TRNT1: variants seen among roughly 807,000 people sequenced by gnomAD.
TRNT1 encodes the protein CCA tRNA nucleotidyltransferase 1, mitochondrial.
In TRNT1, 44 loss-of-function variants were observed where a neutral mutation model predicts 45.6. The observed-to-expected ratio is 0.97, with a 90% CI of 0.76 to 1.24. The LOEUF is 1.24. TRNT1 is among the 50% of genes most tolerant of loss of function. TRNT1 has a pLI of 0.00. For missense variants in TRNT1, 633 were observed against 504.4 expected, an observed-to-expected ratio of 1.25 and a Z score of -2.44; for synonymous variants, 201 against 171.4, an observed-to-expected ratio of 1.17 and a Z score of -1.35.
At chr3:3,151,481 C>T (rs988261632), downstream of TRNT1, among the ~76,000 whole-genome samples, 20 of 123,814 alleles carry the variant, frequency 1.6e-4, no homozygotes, top group African/African-American at 3.4e-4. Context: ...AGGAAGGACA[C>T]GTCTCAAAAA....
chr3:3,129,939 A>C (rs1160125295), intron 2 of TRNT1: 5 of 1,550,502 alleles, frequency 3.2e-6, no homozygotes, highest in Non-Finnish European at 4.4e-6. Context: ...TTTCCATGAG[A>C]ACTGAAGGAA....
intron 2 of TRNT1, among the ~76,000 whole-genome samples, chr3:3,133,322 G>T (rs1705129105): frequency 6.6e-6 from 1 of 152,108 alleles, no homozygotes; most frequent in South Asian, 2.1e-4. Context: ...GGGAGGCCGA[G>T]ATGGGAGAAT....
chr3:3,143,485 G>C (rs952469897), intron 4 of TRNT1, among the ~76,000 whole-genome samples: 3 of 151,968 alleles, frequency 2.0e-5, no homozygotes, highest in Non-Finnish European at 4.4e-5. Context: ...GAAGTCTCCT[G>C]ATCTGTAATG....
intron 4 of TRNT1, among the ~76,000 whole-genome samples, chr3:3,143,888 T>C (rs1266249901): frequency 1.3e-5 from 2 of 152,242 alleles, no homozygotes; most frequent in Admixed American, 6.5e-5. Flanking sequence ...ATGACTAAGG[T>C]TGAAAATCTT....
chr3:3,147,853 T>TAAG, intron 7 of TRNT1, 53 bp from the exon 8 acceptor site: 3 of 1,563,222 alleles, frequency 1.9e-6, no homozygotes, highest in Non-Finnish European at 2.6e-6. Context: ...GATAAGATTG[T>TAAG]AAGTGTATGT....
At chr3:3,133,027 A>G (rs1001269010) in intron 2 of TRNT1, among the ~76,000 whole-genome samples, 1 of 152,184 alleles carries the variant, frequency 6.6e-6, no homozygotes, top group Non-Finnish European at 1.5e-5. Context: ...AAAATGTACA[A>G]AAACACACAG....
rs4353794 is a variant in TRNT1, at chr3:3,140,303, A to T, written c.343-207A>T. Among the ~76,000 whole-genome samples, 18,890 of 151,838 alleles carry T rather than the reference A, an allele frequency of 0.12. 1,288 individuals carry two copies. The highest frequency in any genetic ancestry group is 0.17 in the Admixed American group (2,563 of 15,262). ...TTTTTAATCATGATGGATTTTTTTT[A>T]AAAAAATCAGTCTTTTGATCTGTTT... On this transcript the variant is annotated intron_variant, in intron 3 of 7. Coordinates refer to ENST00000251607, the MANE Select transcript of TRNT1 (RefSeq NM_182916.3).
rs1187387808 is a variant in TRNT1, at chr3:3,129,214, G to A, written c.148+26G>A. ...GTGAGAGATTAGGATACCTTTTCTT[G>A]ATTGGAAACCTATATAAATGGAGAA... On this transcript the variant is annotated intron_variant, in intron 2 of 7. Coordinates refer to ENST00000251607, the MANE Select transcript of TRNT1 (RefSeq NM_182916.3). 7 of 1,608,194 alleles carry A rather than the reference G, an allele frequency of 4.4e-6. No individual in the cohort carries two copies. In the African/African-American group the frequency reaches 5.3e-5, roughly 12 times the overall value.
At chr3:3,133,312 G>A (rs1705128307) in intron 2 of TRNT1, among the ~76,000 whole-genome samples, 1 of 152,088 alleles carries the variant, frequency 6.6e-6, no homozygotes, top group Non-Finnish European at 1.5e-5. Context: ...CCAGCACTTT[G>A]GGAGGCCGAG....
chr3:3,130,927 T>G (rs1704980342), intron 2 of TRNT1, among the ~76,000 whole-genome samples: 1 of 151,720 alleles, frequency 6.6e-6, no homozygotes, highest in Admixed American at 6.6e-5. Flanking sequence ...ACTAAAAATA[T>G]GAAAAATAGG....
At chr3:3,153,133 A>C (rs890880923), downstream of TRNT1, 1 of 369,416 alleles carries the variant, frequency 2.7e-6, no homozygotes, top group Non-Finnish European at 5.0e-6. Flanking sequence ...TTAGGGCCTA[A>C]TTGAAGACAG....
In TRNT1 at chr3:3,129,864, C is replaced by G. The variant is rs560513577; in HGVS notation, c.148+676C>G. On this transcript the variant is annotated intron_variant, in intron 2 of 7. Transcript: ENST00000251607. ...ACTAGAGAGCTAGGTTTCGAACTTA[C>G]GCAGATTGATTTCAGAGCCCAGCTT... 35 of 1,550,396 alleles carry G rather than the reference C, an allele frequency of 2.3e-5. No homozygotes were observed. In the African/African-American group the frequency reaches 3.4e-4, roughly 15 times the overall value.
At position 3,129,155 on chromosome 3, in the gene TRNT1, T is replaced by C; in HGVS notation, c.115T>C (p.Ser39Pro). 1 of 1,614,200 alleles carries C rather than the reference T, an allele frequency of 6.2e-7. No homozygotes were observed. The highest frequency in any genetic ancestry group is 1.1e-5 in the South Asian group (1 of 91,082). ...TMKLQSPEFQ[S>P]LFTEGLKSLT... ...GAAGTTGCAGTCTCCCGAATTCCAGTCACTTTTCACAGAAGGACTGAAGAG... is the reference window on the plus strand; with the variant it reads ...GAAGTTGCAGTCTCCCGAATTCCAGCCACTTTTCACAGAAGGACTGAAGAG... The change falls in exon 2 of 8, where the codon TCA (serine) becomes CCA (proline). Residue 39 changes from serine (S) to proline (P), a missense_variant. By Grantham distance (74) the Ser-to-Pro change is moderately conservative. Coordinates refer to ENST00000251607, the MANE Select transcript of TRNT1 (RefSeq NM_182916.3).
At chr3:3,129,211 C>A in intron 2 of TRNT1, 23 bp downstream of exon 2, 4 of 1,610,300 alleles carry the variant, frequency 2.5e-6, no homozygotes, top group Non-Finnish European at 3.4e-6. Flanking sequence ...GATACCTTTT[C>A]TTGATTGGAA....
At chr3:3,135,145 A>G (rs373702223) in intron 2 of TRNT1, among the ~76,000 whole-genome samples, 1 of 152,188 alleles carries the variant, frequency 6.6e-6, no homozygotes, top group African/African-American at 2.4e-5. Flanking sequence ...TGAATGTCTT[A>G]GTGTGGGTTA....
Position 3,129,024 on chromosome 3 carries a change from G to A in TRNT1, c.-17G>A, listed in dbSNP as rs1704806892. On this transcript the variant is annotated 5_prime_UTR_variant, in exon 2 of 8. An upstream open reading frame in the 5' UTR gains an earlier in-frame stop. Coordinates refer to ENST00000251607, the MANE Select transcript of TRNT1 (RefSeq NM_182916.3). ...GTATTTGCCTTGTAGATGTGTAGTT[G>A]GTGACTGCCTCTCCAGATGCTGAGG... 1 of 1,585,128 alleles carries A rather than the reference G, an allele frequency of 6.3e-7. No homozygotes were observed. Among genetic ancestry groups the A allele is most frequent in the Admixed American group, 1.7e-5 (1 of 57,168 alleles).
Position 3,140,559 on chromosome 3 carries a change from C to G in TRNT1, c.392C>G (p.Thr131Ser), listed in dbSNP as rs1280922317. 12 of 1,614,022 alleles carry G rather than the reference C, an allele frequency of 7.4e-6. No homozygotes were observed. Among genetic ancestry groups the G allele is most frequent in the Non-Finnish European group, 1.0e-5 (12 of 1,180,000 alleles). Residue 131 changes from threonine to serine, a missense_variant, in exon 4 of 8, where the codon ACT becomes AGT. Coordinates refer to ENST00000251607, the MANE Select transcript of TRNT1 (RefSeq NM_182916.3). ...EITTLRIDVT[T>S]DGRHAEVEFT... ...ACTACACTACGGATTGATGTCACCA[C>G]TGATGGAAGACATGCTGAGGTAGAA...
At chr3:3,144,141 GTT>G (rs1032021922) in intron 4 of TRNT1, among the ~76,000 whole-genome samples, 1 of 151,950 alleles carries the variant, frequency 6.6e-6, no homozygotes, top group African/African-American at 2.4e-5. Context: ...TTTGTGTTGC[GTT>G]TTCTGTTTTC....
At chr3:3,137,496 A>C in intron 3 of TRNT1, 43 bp downstream of exon 3, 1 of 1,501,924 alleles carries the variant, frequency 6.7e-7, no homozygotes, top group Non-Finnish European at 8.9e-7. Context: ...CTTTTTTGGT[A>C]ATTTTTAAAA....
Sources: allele counts gnomAD v4.1 joint callset (sites outside exome capture counted in the v4.1 genomes callset), GRCh38; gene constraint gnomAD v4.1.1; transcripts MANE v1.5; gene names NCBI Gene and HGNC (gene_info 2026-07-23, HGNC 2026-07-21).